RABGAP1L: variants seen among roughly 807,000 people sequenced by gnomAD.
RABGAP1L encodes the protein RAB GTPase activating protein 1 like, also known as rab GTPase-activating protein 1-like.
RABGAP1L carries 63 observed loss-of-function variants against 137.7 expected under a neutral mutation model. That is an observed-to-expected ratio of 0.46 (90% CI 0.37 to 0.56). The LOEUF (loss-of-function observed/expected upper bound fraction) is 0.56. Ranked by LOEUF, RABGAP1L falls within the 20% of genes least tolerant of loss-of-function variation. The pLI is 0.00. For missense variants in RABGAP1L, 1,095 were observed against 1,244.0 expected, an observed-to-expected ratio of 0.88 and a Z score of 1.80; for synonymous variants, 431 against 433.7, an observed-to-expected ratio of 0.99 and a Z score of 0.08.
At chr1:174,671,126 A>G (rs1677146214) in intron 14 of RABGAP1L, among the ~76,000 whole-genome samples, 1 of 152,170 alleles carries the variant, frequency 6.6e-6, no homozygotes, top group Non-Finnish European at 1.5e-5. Context: ...CTTTTTTCAA[A>G]TAGTTCACCG....
At chr1:174,262,027 T>C (rs946449873) in intron 7 of RABGAP1L, among the ~76,000 whole-genome samples, 6 of 152,252 alleles carry the variant, frequency 3.9e-5, no homozygotes, top group African/African-American at 7.2e-5. Context: ...GTGTTTTCTT[T>C]TAAGGCAGTA....
At chr1:174,953,962 T>C (rs1668124062) in intron 19 of RABGAP1L, among the ~76,000 whole-genome samples, 1 of 152,194 alleles carries the variant, frequency 6.6e-6, no homozygotes, top group Admixed American at 6.5e-5. Flanking sequence ...GACCAGGAAC[T>C]GACCTTTGAT....
At chr1:174,463,626 C>T (rs1179598645) in intron 13 of RABGAP1L, among the ~76,000 whole-genome samples, 4 of 151,888 alleles carry the variant, frequency 2.6e-5, no homozygotes, top group East Asian at 3.9e-4. Flanking sequence ...CTAACCTGTA[C>T]ATTGTGCACA....
chr1:174,659,249 A>G (rs1676194942), intron 14 of RABGAP1L, among the ~76,000 whole-genome samples: 1 of 152,116 alleles, frequency 6.6e-6, no homozygotes, highest in Non-Finnish European at 1.5e-5. Flanking sequence ...AAAAAAAAAA[A>G]AAAAATCCTC....
chr1:174,340,322 A>G (rs1039692021), intron 11 of RABGAP1L, among the ~76,000 whole-genome samples: 2 of 151,892 alleles, frequency 1.3e-5, no homozygotes, highest in South Asian at 2.1e-4. Context: ...TTTTTCTTCA[A>G]CTTTTAAGTT....
At chr1:174,416,333 A>G (rs1171590901) in intron 13 of RABGAP1L, among the ~76,000 whole-genome samples, 1 of 151,908 alleles carries the variant, frequency 6.6e-6, no homozygotes, top group African/African-American at 2.4e-5. Context: ...ACAGAAAGAA[A>G]CTGTAGACCT....
At chr1:174,283,840 A>G (rs960990058) in intron 10 of RABGAP1L, among the ~76,000 whole-genome samples, 1 of 152,182 alleles carries the variant, frequency 6.6e-6, no homozygotes. Context: ...TGAGTCTTCA[A>G]TAAACATGGC....
chr1:174,393,586 C>G (rs1647432205), intron 12 of RABGAP1L, among the ~76,000 whole-genome samples: 1 of 152,184 alleles, frequency 6.6e-6, no homozygotes, highest in African/African-American at 2.4e-5. Flanking sequence ...TTTTCAACAT[C>G]ATTTCCTGAA....
intron 19 of RABGAP1L, among the ~76,000 whole-genome samples, chr1:174,824,077 G>A (rs1187224888): frequency 6.6e-6 from 1 of 152,094 alleles, no homozygotes; most frequent in Non-Finnish European, 1.5e-5. Flanking sequence ...ATCACCTAAG[G>A]TCAGGAGTTC....
chr1:174,163,952 TTTGA>T (rs572898783), intron 1 of RABGAP1L, among the ~76,000 whole-genome samples: 1 of 152,148 alleles, frequency 6.6e-6, no homozygotes, highest in South Asian at 2.1e-4. Flanking sequence ...TGCAAGGGAA[TTTGA>T]TTGGGAAACA....
intron 13 of RABGAP1L, among the ~76,000 whole-genome samples, chr1:174,472,779 A>G (rs1432373586): frequency 6.6e-6 from 1 of 152,200 alleles, no homozygotes; most frequent in East Asian, 1.9e-4. Context: ...GGAGTTTAAC[A>G]TGCATCACAT....
intron 13 of RABGAP1L, among the ~76,000 whole-genome samples, chr1:174,406,439 A>C (rs1046612699): frequency 6.6e-6 from 1 of 152,198 alleles, no homozygotes; most frequent in African/African-American, 2.4e-5. Flanking sequence ...GTAGGAGTAT[A>C]CTGTTTTGAA....
At chr1:174,276,826 TC>T (rs1238761974) in intron 9 of RABGAP1L, among the ~76,000 whole-genome samples, 1 of 152,114 alleles carries the variant, frequency 6.6e-6, no homozygotes, top group East Asian at 1.9e-4. Context: ...GTTTTTTCAT[TC>T]CTACTTCATC....
chr1:174,383,562 T>TC (rs1175140349), intron 12 of RABGAP1L, among the ~76,000 whole-genome samples: 1 of 152,182 alleles, frequency 6.6e-6, no homozygotes. Context: ...TCCAGGTGCG[T>TC]CCGTCACCGC....
intron 13 of RABGAP1L, among the ~76,000 whole-genome samples, chr1:174,401,994 A>C (rs892388855): frequency 3.5e-4 from 53 of 152,164 alleles, no homozygotes; most frequent in African/African-American, 1.2e-3. Context: ...TAGACTCTAC[A>C]GTCTAAGTGA....
At chr1:174,844,149 G>A (rs1365471397) in intron 19 of RABGAP1L, among the ~76,000 whole-genome samples, 7 of 146,270 alleles carry the variant, frequency 4.8e-5, no homozygotes, top group African/African-American at 1.3e-4. Flanking sequence ...AGTAGGTTGC[G>A]AAAATTTTCT....
chr1:174,386,023 A>G (rs1686738911), intron 12 of RABGAP1L, among the ~76,000 whole-genome samples: 1 of 152,236 alleles, frequency 6.6e-6, no homozygotes, highest in African/African-American at 2.4e-5. Context: ...AGAAAATTTG[A>G]TAGTGTCAGA....
At chr1:174,282,409 T>A (rs1675654444) in intron 10 of RABGAP1L, among the ~76,000 whole-genome samples, 1 of 152,184 alleles carries the variant, frequency 6.6e-6, no homozygotes, top group African/African-American at 2.4e-5. Context: ...ATTTTTTTCT[T>A]ATGGTTATTA....
In RABGAP1L at chr1:174,969,130, C is replaced by A. The variant is rs1234543341; in HGVS notation, c.2434-147C>A. 7 of 632,050 alleles carry A rather than the reference C, an allele frequency of 1.1e-5. No individual in the cohort carries two copies. In the East Asian group the frequency reaches 1.9e-4, roughly 18 times the overall value. The allele number at this position is 632,050 out of a possible 1,614,324, so 39.2% of individuals were successfully genotyped here. A position where few individuals can be genotyped will look rare whatever the true frequency, so the allele number is the denominator to read the frequency against. On this transcript the variant is annotated intron_variant, in intron 20 of 25. Coordinates refer to ENST00000681986, the MANE Select transcript of RABGAP1L (RefSeq NM_001366446.1). The stretch of plus-strand genomic sequence containing the variant: ...GCTAAACTCACTGTTGTTTCCCAGA[C>A]AGCAATCCTGCCTTCCTGTGCCACT...
Sources: allele counts gnomAD v4.1 joint callset (sites outside exome capture counted in the v4.1 genomes callset), GRCh38; gene constraint gnomAD v4.1.1; transcripts MANE v1.5; gene names NCBI Gene and HGNC (gene_info 2026-07-23, HGNC 2026-07-21).